The following TEAD1 variants were observed in gnomAD, a reference collection of about 807,000 sequenced individuals.
TEAD1 encodes TEA domain transcription factor 1.
A neutral mutation model predicts 54.9 loss-of-function variants in TEAD1; 9 were observed. The ratio of observed to expected loss-of-function variants is 0.16; its 90% CI spans 0.10 to 0.29. The LOEUF (loss-of-function observed/expected upper bound fraction) is 0.29, where lower values mean the gene tolerates loss of function less well. TEAD1 is among the 10% of genes least tolerant of loss of function. The pLI is 1.00. For synonymous variants in TEAD1, 200 were observed against 187.8 expected (o/e 1.07, Z -0.53); for missense variants, 387 against 535.9 (o/e 0.72, Z 2.74).
At chr11:12,935,884 GC>G (rs1242330136) in intron 12 of TEAD1, among the ~76,000 whole-genome samples, 1 of 152,116 alleles carries the variant, frequency 6.6e-6, no homozygotes, top group East Asian at 1.9e-4. Context: ...AATTGTACAC[GC>G]CAGTATGTGT....
intron 2 of TEAD1, among the ~76,000 whole-genome samples, chr11:12,748,220 C>A (rs949806066): frequency 2.2e-4 from 33 of 152,218 alleles, no homozygotes; most frequent in African/African-American, 7.7e-4. Flanking sequence ...CCTCTGCCTC[C>A]CAAAGTGCTG....
At chr11:12,802,705 C>T (rs1946084746) in intron 3 of TEAD1, among the ~76,000 whole-genome samples, 1 of 152,100 alleles carries the variant, frequency 6.6e-6, no homozygotes, top group African/African-American at 2.4e-5. Flanking sequence ...TGTGGCCGAC[C>T]CGACCGGGTC....
In TEAD1 at chr11:12,924,842, A is replaced by G. The variant is rs561123650; in HGVS notation, c.874-70A>G. On this transcript the variant is annotated intron_variant, in intron 10 of 12. Coordinates refer to ENST00000527636, the MANE Select transcript of TEAD1 (RefSeq NM_021961.6). The stretch of plus-strand genomic sequence containing the variant: ...TCAGCCAAGCAGAGGTCTTACCCTG[A>G]AAGTTACTGCTCGGTGCCATGACTC... 14 of 1,594,234 alleles carry G rather than the reference A, an allele frequency of 8.8e-6. 1 individual carries two copies. The South Asian group carries it at 1.2e-4, about 14-fold the overall frequency.
intron 2 of TEAD1, among the ~76,000 whole-genome samples, chr11:12,718,937 A>G (rs1007078584): frequency 5.3e-5 from 8 of 152,216 alleles, no homozygotes; most frequent in African/African-American, 1.9e-4. Flanking sequence ...GTATATCATC[A>G]TAATTGTTTA....
intron 3 of TEAD1, among the ~76,000 whole-genome samples, chr11:12,838,739 A>G (rs763489146): frequency 1.2e-4 from 18 of 152,150 alleles, no homozygotes; most frequent in Non-Finnish European, 1.8e-4. Flanking sequence ...GTTAGATGAA[A>G]TTGTCTCTAA....
Position 12,940,784 on chromosome 11 carries a change from A to C in TEAD1, c.*3562A>C, listed in dbSNP as rs1949155144. On this transcript the variant is annotated 3_prime_UTR_variant, in exon 13 of 13. Coordinates refer to ENST00000527636, the MANE Select transcript of TEAD1 (RefSeq NM_021961.6). Reference sequence around the variant, plus strand: ...TTATCAAACCTTTACTTATTTCGGCATATTTCCTCTGGGCTTCTTCTAGTT... The same window carrying C: ...TTATCAAACCTTTACTTATTTCGGCCTATTTCCTCTGGGCTTCTTCTAGTT... 6.6e-6 allele frequency: 1 copy of C among 152,156 alleles called. No individual in the cohort carries two copies. The highest frequency in any genetic ancestry group is 2.1e-4 in the South Asian group (1 of 4,820). 9.4% of individuals were successfully genotyped at this position (152,156 alleles called of 1,614,324 possible).
chr11:12,893,926 ATG>A (rs1359176042), intron 9 of TEAD1, among the ~76,000 whole-genome samples: 1 of 152,076 alleles, frequency 6.6e-6, no homozygotes, highest in Non-Finnish European at 1.5e-5. Flanking sequence ...CCTGGGCTGA[ATG>A]TGCGGGAACC....
intron 3 of TEAD1, among the ~76,000 whole-genome samples, chr11:12,801,085 C>T (rs1946049736): frequency 6.6e-6 from 1 of 152,178 alleles, no homozygotes; most frequent in Non-Finnish European, 1.5e-5. Context: ...GAAATTTAAC[C>T]CAGGCAGGGA....
chr11:12,830,581 T>A (rs2134016620), intron 3 of TEAD1, among the ~76,000 whole-genome samples: 1 of 152,284 alleles, frequency 6.6e-6, no homozygotes, highest in South Asian at 2.1e-4. Flanking sequence ...CCCTTTGTTC[T>A]TGAGTGCCTG....
intron 2 of TEAD1, among the ~76,000 whole-genome samples, chr11:12,710,180 C>G (rs1943905354): frequency 6.6e-6 from 1 of 151,952 alleles, no homozygotes; most frequent in Non-Finnish European, 1.5e-5. Context: ...TAAAATTAGC[C>G]AGGCGTGATG....
chr11:12,830,794 A>C lies in TEAD1; in HGVS notation c.203-31456A>C, dbSNP rs536988666. Among the ~76,000 whole-genome samples, 4 of 152,066 alleles carry C rather than the reference A, an allele frequency of 2.6e-5. No individual in the cohort carries two copies. The East Asian group carries it at 7.7e-4, about 29-fold the overall frequency. On this transcript the variant is annotated intron_variant, in intron 3 of 12. Transcript: ENST00000527636. ...CACATGCACATGCACATGCACATTC[A>C]CATTGTAATTCCTATTTAAAGGGAA...
chr11:12,745,606 G>T (rs79277927), intron 2 of TEAD1, among the ~76,000 whole-genome samples: 4,464 of 135,230 alleles, frequency 0.033, 222 homozygotes, highest in African/African-American at 0.13. Context: ...TTTTTTTTTG[G>T]ACTGTTTGCA....
intron 3 of TEAD1, among the ~76,000 whole-genome samples, chr11:12,814,865 G>T (rs967360291): frequency 6.6e-6 from 1 of 151,626 alleles, no homozygotes; most frequent in Non-Finnish European, 1.5e-5. Flanking sequence ...AGCTGTGTGT[G>T]TGTGTCTGTG....
At chr11:12,844,942 A>G (rs1454883783) in intron 3 of TEAD1, among the ~76,000 whole-genome samples, 1 of 129,082 alleles carries the variant, frequency 7.7e-6, no homozygotes, top group African/African-American at 2.8e-5. Context: ...TCCTGCCCTG[A>G]TTGACGTGTA....
intron 3 of TEAD1, among the ~76,000 whole-genome samples, chr11:12,819,848 CA>C (rs778512474): frequency 6.6e-6 from 1 of 152,192 alleles, no homozygotes; most frequent in Non-Finnish European, 1.5e-5. Context: ...TCATAGATAA[CA>C]AAATAGCTTC....
Position 12,836,236 on chromosome 11 carries a change from C to T in TEAD1, c.203-26014C>T, listed in dbSNP as rs187646894. ...GAGATGAAGACCATCCCGGCTAACA[C>T]GGTGAAACCCTGTCTCTACTAAAAA... is the stretch of plus-strand genomic sequence containing the variant. On this transcript the variant is annotated intron_variant, in intron 3 of 12. Coordinates refer to ENST00000527636, the MANE Select transcript of TEAD1 (RefSeq NM_021961.6). Among the ~76,000 whole-genome samples the T allele has an allele frequency of 2.4e-4, 36 of 152,046 alleles. No individual in the cohort carries two copies. The East Asian group carries it at 5.1e-3, about 21-fold the overall frequency.
intron 9 of TEAD1, among the ~76,000 whole-genome samples, chr11:12,892,442 A>C (rs2134114603): frequency 6.6e-6 from 1 of 152,250 alleles, no homozygotes; most frequent in Non-Finnish European, 1.5e-5. Context: ...TCAGGCATTC[A>C]AGACCAGCCT....
chr11:12,872,336 A>G (rs1589946145), intron 5 of TEAD1, among the ~76,000 whole-genome samples: 1 of 151,872 alleles, frequency 6.6e-6, no homozygotes. Flanking sequence ...CTGAGCAACA[A>G]CCTCCTTTGT....
intron 2 of TEAD1, among the ~76,000 whole-genome samples, chr11:12,723,755 A>G (rs976977796): frequency 1.3e-5 from 2 of 152,228 alleles, no homozygotes; most frequent in African/African-American, 4.8e-5. Context: ...GTACAGAGTG[A>G]GGATAAAGAA....
Sources: allele counts gnomAD v4.1 joint callset (sites outside exome capture counted in the v4.1 genomes callset), GRCh38; gene constraint gnomAD v4.1.1; transcripts MANE v1.5; gene names NCBI Gene and HGNC (gene_info 2026-07-23, HGNC 2026-07-21).